SNRPN: variants seen among roughly 807,000 people sequenced by gnomAD.
The protein encoded by SNRPN is small nuclear ribonucleoprotein-associated protein N.
Under a neutral mutation model 25.2 loss-of-function variants are expected in SNRPN, and 7 were observed. The observed-to-expected ratio is 0.28, with a 90% CI of 0.16 to 0.52. The LOEUF is 0.52. SNRPN is among the 20% of genes least tolerant of loss of function. The pLI, the probability that SNRPN is intolerant of heterozygous loss-of-function variation, is 0.96. For missense variants in SNRPN, 196 were observed against 322.5 expected (o/e 0.61, Z 3.00); for synonymous variants, 124 against 110.6 (o/e 1.12, Z -0.76).
intron 3 of SNRPN, among the ~76,000 whole-genome samples, chr15:24,970,108 G>A (rs774755736): frequency 4.6e-5 from 7 of 152,236 alleles, no homozygotes; most frequent in East Asian, 1.9e-4. Context: ...AAGTATATAC[G>A]AAGTATACAT....
At chr15:24,864,173 C>T (rs1351962959) in intron 1 of SNRPN, among the ~76,000 whole-genome samples, 2 of 146,088 alleles carry the variant, frequency 1.4e-5, no homozygotes, top group African/African-American at 2.6e-5. Flanking sequence ...ACTACAGGCG[C>T]CCACCACAAC....
In SNRPN at chr15:24,944,682, T is replaced by A. The variant is rs1396835136; in HGVS notation, c.-390-17432T>A. Among the ~76,000 whole-genome samples the A allele has an allele frequency of 2.0e-5, 3 of 152,224 alleles. No homozygotes were observed. In the East Asian group the frequency reaches 5.8e-4, roughly 29 times the overall value. On this transcript the variant is annotated intron_variant, in intron 3 of 11. Transcript: ENST00000400097. ...TCTTAAGATCTGGTTCAGGTAGAGC[T>A]ACTCTTGCTACCGAAATCTGTGTGT...
intron 2 of SNRPN, among the ~76,000 whole-genome samples, chr15:24,918,933 GC>G (rs2059837505): frequency 2.9e-5 from 2 of 70,168 alleles, no homozygotes; most frequent in African/African-American, 1.4e-4. Context: ...ATATATATAT[GC>G]GCACATATAT....
intron 2 of SNRPN, among the ~76,000 whole-genome samples, chr15:24,910,421 G>A (rs1262896694): frequency 6.6e-6 from 1 of 152,010 alleles, no homozygotes; most frequent in Non-Finnish European, 1.5e-5. Flanking sequence ...AGGTCGAGGC[G>A]GCAGTGAGCT....
intron 2 of SNRPN, among the ~76,000 whole-genome samples, chr15:24,916,614 A>G (rs1402896743): frequency 6.6e-6 from 1 of 152,242 alleles, no homozygotes; most frequent in African/African-American, 2.4e-5. Context: ...TTGTTTCTAC[A>G]TATGCTTCAT....
At chr15:24,968,944 T>C (rs2153596160) in intron 3 of SNRPN, 1 of 152,290 alleles carries the variant, frequency 6.6e-6, no homozygotes, top group African/African-American at 2.4e-5. Context: ...TTTCTTTTTT[T>C]CTACTTTAAG....
chr15:24,932,734 T>C (rs1001504934), intron 3 of SNRPN, among the ~76,000 whole-genome samples: 1 of 152,060 alleles, frequency 6.6e-6, no homozygotes, highest in African/African-American at 2.4e-5. Context: ...ACTGCAACCT[T>C]GGCCTCTCAG....
chr15:24,919,937 A>G (rs1166598744), intron 2 of SNRPN: 1 of 152,202 alleles, frequency 6.6e-6, no homozygotes, highest in Non-Finnish European at 1.5e-5. Context: ...CACGTTTTGC[A>G]TAACTTCTAG....
intron 3 of SNRPN, among the ~76,000 whole-genome samples, chr15:24,972,334 CATAAG>C (rs961144504): frequency 1.3e-5 from 2 of 151,368 alleles, no homozygotes; most frequent in African/African-American, 4.9e-5. Flanking sequence ...TATAAAGAAT[CATAAG>C]ATAATATTCA....
chr15:24,968,025 A>C lies in SNRPN; in HGVS notation c.-201A>C. The stretch of plus-strand genomic sequence containing the variant: ...GGCAGGCATTCTTAGCTGAGACACC[A>C]AGAGGTGGTTAAAGCCATATTGGAG... On this transcript the variant is annotated 5_prime_UTR_variant, in exon 3 of 10. Coordinates refer to ENST00000390687, the MANE Select transcript of SNRPN (RefSeq NM_003097.6). 2 of 1,614,106 alleles carry C rather than the reference A, an allele frequency of 1.2e-6. No individual in the cohort carries two copies. Among genetic ancestry groups the C allele is most frequent in the Non-Finnish European group, 1.7e-6 (2 of 1,179,988 alleles).
chr15:24,927,377 A>G (rs2060454910), intron 3 of SNRPN, among the ~76,000 whole-genome samples: 1 of 151,084 alleles, frequency 6.6e-6, no homozygotes, highest in South Asian at 2.1e-4. Context: ...CCACCTTGAC[A>G]TCCCAAAGTG....
At chr15:24,978,029 A>G in intron 8 of SNRPN, 113 bp downstream of exon 8, 1 of 1,229,930 alleles carries the variant, frequency 8.1e-7, no homozygotes. Flanking sequence ...TCCTTCTTCT[A>G]GATACTGGTT....
intron 2 of SNRPN, chr15:24,849,692 G>A (rs1482646669): frequency 6.6e-6 from 1 of 152,170 alleles, no homozygotes; most frequent in Non-Finnish European, 1.5e-5. Flanking sequence ...CCCAGATTTA[G>A]TTGGGGCCTC....
At chr15:24,940,095 G>C (rs1214808388) in intron 3 of SNRPN, among the ~76,000 whole-genome samples, 1 of 152,110 alleles carries the variant, frequency 6.6e-6, no homozygotes, top group East Asian at 1.9e-4. Flanking sequence ...TGGCTGAGGA[G>C]TCTTATATCT....
At chr15:24,973,276 A>G (rs921335704) in intron 3 of SNRPN, among the ~76,000 whole-genome samples, 1 of 152,144 alleles carries the variant, frequency 6.6e-6, no homozygotes, top group Non-Finnish European at 1.5e-5. Context: ...GATCTACCAT[A>G]TTGCCTAAGA....
At chr15:24,925,867 G>A (rs1225742889) in intron 3 of SNRPN, among the ~76,000 whole-genome samples, 8 of 151,804 alleles carry the variant, frequency 5.3e-5, no homozygotes, top group Non-Finnish European at 8.8e-5. Context: ...TCAGCCTCCC[G>A]AGTAGCGGTA....
chr15:24,874,807 C>T (rs3867499), intron 1 of SNRPN, among the ~76,000 whole-genome samples: 83,895 of 151,886 alleles, frequency 0.55, 23,787 homozygotes, highest in East Asian at 0.89. Flanking sequence ...AAGATGATGA[C>T]AATGTGGGGT....
intron 1 of SNRPN, among the ~76,000 whole-genome samples, chr15:24,859,626 C>T (rs766470851): frequency 2.0e-5 from 3 of 152,036 alleles, no homozygotes; most frequent in Admixed American, 6.5e-5. Context: ...ATCCAGACCC[C>T]AAGAGAGGGT....
intron 1 of SNRPN, 58 bp downstream of exon 1, chr15:24,955,120 C>A (rs1480581093): frequency 1.9e-6 from 3 of 1,610,586 alleles, no homozygotes. Flanking sequence ...CACTTTTATT[C>A]ATCAGATATT....
Sources: gnomAD v4.1 joint callset for allele counts (sites outside exome capture counted in the v4.1 genomes callset) on GRCh38, gnomAD v4.1.1 for gene constraint, MANE v1.5 for transcripts, NCBI Gene and HGNC (gene_info 2026-07-23, HGNC 2026-07-21) for gene names.